The following ERMP1 variants were observed in gnomAD, a reference collection of about 807,000 sequenced individuals.
ERMP1 encodes the protein endoplasmic reticulum metallopeptidase 1.
In ERMP1, 86 loss-of-function variants were observed where a neutral mutation model predicts 92.0. That is an observed-to-expected ratio of 0.93 (90% CI 0.79 to 1.12). ERMP1 has a LOEUF of 1.12. ERMP1 is among the 50% of genes most tolerant of loss of function. ERMP1 has a pLI of 0.00. For synonymous variants in ERMP1, 530 were observed against 412.8 expected, an observed-to-expected ratio of 1.28 and a Z score of -3.44; for missense variants, 1,342 against 1,116.3, an observed-to-expected ratio of 1.20 and a Z score of -2.88.
chr9:5,803,797 A>AT (rs1453666013), intron 10 of ERMP1, among the ~76,000 whole-genome samples: 1 of 152,192 alleles, frequency 6.6e-6, no homozygotes, highest in Non-Finnish European at 1.5e-5. Flanking sequence ...ATACAGCCCT[A>AT]TGAATACCAA....
In ERMP1 at chr9:5,812,816, A is replaced by G. The variant is rs1829150896; in HGVS notation, c.1021+73T>C. ...ATCTCAGAAAATGCTGTTTACTCAC[A>G]TACTTTCAAGATTTAAAATTTGCTT... On this transcript the variant is annotated intron_variant, in intron 5 of 14. Coordinates refer to ENST00000339450, the MANE Select transcript of ERMP1 (RefSeq NM_024896.3). The G allele has an allele frequency of 2.6e-6, 4 of 1,529,494 alleles. No individual in the cohort carries two copies. In the East Asian group the frequency reaches 9.0e-5, roughly 34 times the overall value. 94.7% of individuals were successfully genotyped at this position (1,529,494 alleles called of 1,614,324 possible). A position where few individuals can be genotyped will look rare whatever the true frequency, so the allele number is the denominator to read the frequency against.
chr9:5,806,004 A>G (rs1389247914), intron 8 of ERMP1, among the ~76,000 whole-genome samples: 1 of 152,348 alleles, frequency 6.6e-6, no homozygotes, highest in South Asian at 2.1e-4. Flanking sequence ...TTAACAATAT[A>G]GAGTATAAAT....
At chr9:5,794,277 T>C (rs534721358) in intron 13 of ERMP1, among the ~76,000 whole-genome samples, 5 of 152,124 alleles carry the variant, frequency 3.3e-5, no homozygotes, top group Non-Finnish European at 7.4e-5. Context: ...ATTTGTGGCA[T>C]GGAACATAAG....
intron 2 of ERMP1, among the ~76,000 whole-genome samples, 198 bp from the exon 3 acceptor site, chr9:5,825,417 C>T (rs1161839601): frequency 6.6e-6 from 1 of 152,190 alleles, no homozygotes; most frequent in East Asian, 1.9e-4. Flanking sequence ...CTGGTTTGCT[C>T]ACTGACTTAC....
chr9:5,818,271 G>A (rs1348611631), intron 4 of ERMP1, among the ~76,000 whole-genome samples: 7 of 152,044 alleles, frequency 4.6e-5, no homozygotes, highest in Non-Finnish European at 1.0e-4. Context: ...TGATAAAAGT[G>A]GTTTTCTTTA....
intron 5 of ERMP1, among the ~76,000 whole-genome samples, chr9:5,859,661 G>C (rs531795449): frequency 3.9e-5 from 6 of 152,194 alleles, no homozygotes; most frequent in Non-Finnish European, 5.9e-5. Flanking sequence ...CTTGGTATTT[G>C]CTATCCCAAC....
intron 2 of ERMP1, 59 bp from the exon 3 acceptor site, chr9:5,825,278 A>G (rs1829690579): frequency 6.5e-7 from 1 of 1,531,532 alleles, no homozygotes; most frequent in African/African-American, 1.4e-5. Flanking sequence ...AATATGACCC[A>G]TTAGGACTAG....
At chr9:5,832,232 G>C (rs140315560) in intron 1 of ERMP1, among the ~76,000 whole-genome samples, 1 of 152,184 alleles carries the variant, frequency 6.6e-6, no homozygotes, top group African/African-American at 2.4e-5. Context: ...CTTCAGATGT[G>C]GGGGCTGTAA....
chr9:5,861,984 TA>T (rs1277966722), intron 5 of ERMP1, among the ~76,000 whole-genome samples: 1 of 152,170 alleles, frequency 6.6e-6, no homozygotes, highest in African/African-American at 2.4e-5. Flanking sequence ...TAAAGTTTTT[TA>T]AAAAATCACA....
At chr9:5,865,349 T>C (rs1265622437) in intron 5 of ERMP1, among the ~76,000 whole-genome samples, 1 of 151,136 alleles carries the variant, frequency 6.6e-6, no homozygotes, top group Non-Finnish European at 1.5e-5. Context: ...CTACTAACAA[T>C]ACAAAAAAAT....
At position 5,805,634 on chromosome 9, in the gene ERMP1, A is replaced by C; in HGVS notation, c.1700T>G (p.Val567Gly). 1 of 1,605,024 alleles carries C rather than the reference A, an allele frequency of 6.2e-7. No homozygotes were observed. The highest frequency in any genetic ancestry group is 8.5e-7 in the Non-Finnish European group (1 of 1,177,136). The stretch of plus-strand genomic sequence containing the variant: ...ACCATGCTGCTTGAAGTCCTTATGC[A>C]CACAGAGCTTTGTGAGCAATGGGAA... ...VAFPLLTKLC[V>G]HKDFKQHGAQ... The change falls in exon 9 of 15, where the codon GTG becomes GGG. Residue 567 changes from valine to glycine, a missense_variant. Transcript: ENST00000339450.
intron 2 of ERMP1, among the ~76,000 whole-genome samples, chr9:5,830,367 A>G (rs1829892330): frequency 6.6e-6 from 1 of 152,168 alleles, no homozygotes; most frequent in Non-Finnish European, 1.5e-5. Context: ...AAAGCCTAGT[A>G]TAACACCCAG....
Position 5,811,121 on chromosome 9 carries a change from G to A in ERMP1, c.1317C>T (p.Pro439=), listed in dbSNP as rs1391256384. 2 of 1,611,508 alleles carry A rather than the reference G, an allele frequency of 1.2e-6. No homozygotes were observed. The highest frequency in any genetic ancestry group is 2.2e-5 in the South Asian group (2 of 90,990). ...VLYLGKKFLQ[P]KHKTGNYKKD... ...GAGGAAAATACTTACTCTTATGTTT[G>A]GGCTGCAAAAATTTTTTGCCCAGGT... The change falls in exon 7 of 15, where the codon CCC becomes CCT. Residue 439 remains proline, a synonymous_variant. Transcript: ENST00000339450.
At chr9:5,837,392 CT>C (rs1830107260), upstream of ERMP1, among the ~76,000 whole-genome samples, 1 of 152,098 alleles carries the variant, frequency 6.6e-6, no homozygotes, top group African/African-American at 2.4e-5. Flanking sequence ...ATATCAACAA[CT>C]TTTTAACTAG....
chr9:5,816,378 T>C (rs563111843), intron 4 of ERMP1, among the ~76,000 whole-genome samples: 49 of 152,326 alleles, frequency 3.2e-4, no homozygotes, highest in Non-Finnish European at 1.8e-4. Flanking sequence ...AGATTATCAA[T>C]TGACATGATT....
At position 5,801,289 on chromosome 9, in the gene ERMP1, T is replaced by C; in HGVS notation, c.1954A>G (p.Met652Val). The C allele has an allele frequency of 6.2e-7, 1 of 1,613,438 alleles. No individual in the cohort carries two copies. Among genetic ancestry groups the C allele is most frequent in the Non-Finnish European group, 8.5e-7 (1 of 1,179,742 alleles). ...IYLAKSTKKT[M>V]LTLTLVCAIT... ...GCACATACCAAAGTTAAAGTTAGCA[T>C]GGTTTTTTTTGTGCTCTTGGCAAGG... The change falls in exon 11 of 15, where the codon ATG becomes GTG. Residue 652 changes from methionine to valine, a missense_variant. Transcript: ENST00000339450.
At chr9:5,845,822 G>A (rs921295530) in intron 6 of ERMP1, among the ~76,000 whole-genome samples, 3 of 152,192 alleles carry the variant, frequency 2.0e-5, no homozygotes, top group African/African-American at 7.2e-5. Flanking sequence ...CAGTAGGCCT[G>A]AGGAGTATTT....
intron 5 of ERMP1, among the ~76,000 whole-genome samples, chr9:5,865,236 G>A (rs1326482218): frequency 2.0e-5 from 3 of 152,238 alleles, no homozygotes; most frequent in Admixed American, 6.5e-5. Flanking sequence ...GCTGGGCGCA[G>A]TGGCTTACGC....
At chr9:5,863,515 G>A (rs1038956943) in intron 5 of ERMP1, among the ~76,000 whole-genome samples, 6 of 152,184 alleles carry the variant, frequency 3.9e-5, no homozygotes, top group African/African-American at 1.2e-4. Flanking sequence ...ATGAGGGTGT[G>A]TCCAGCTGGG....
Sources: allele counts gnomAD v4.1 joint callset (sites outside exome capture counted in the v4.1 genomes callset), GRCh38; gene constraint gnomAD v4.1.1; transcripts MANE v1.5; gene names NCBI Gene and HGNC (gene_info 2026-07-23, HGNC 2026-07-21).